The following XCL2 variants were observed in gnomAD, a reference collection of about 807,000 sequenced individuals.
XCL2 encodes the protein X-C motif chemokine ligand 2.
A neutral mutation model predicts 7.2 loss-of-function variants in XCL2; 8 were observed. The ratio of observed to expected loss-of-function variants is 1.10; its 90% confidence interval spans 0.65 to 1.99. The LOEUF is 1.99. XCL2 is among the 30% of genes most tolerant of loss of function. The pLI is 0.00. For missense variants in XCL2, 131 were observed against 138.6 expected, an observed-to-expected ratio of 0.94 and a Z score of 0.28; for synonymous variants, 46 against 54.2, an observed-to-expected ratio of 0.85 and a Z score of 0.67.
At position 168,541,112 on chromosome 1, in the gene XCL2, G is replaced by A. The variant is rs1269541951; in HGVS notation, c.185C>T (p.Thr62Ile). Residue 62 changes from threonine (T) to isoleucine (I), a missense_variant, in exon 3 of 3, where the codon ACC (threonine) becomes ATC (isoleucine). Physicochemically the swap from Thr to Ile is moderately conservative, Grantham distance 89 (BLOSUM62 -1). Transcript: ENST00000367819. ...AGCACAGACTTTTAGGCCACGTTTG[G>A]TAATAAAACTGTAACGCAAGGAAAA... ...EGSLRAVIFI[T>I]KRGLKVCADP... 6.2e-7 allele frequency: 1 copy of A among 1,613,434 alleles called. No homozygotes were observed. Among genetic ancestry groups the A allele is most frequent in the Non-Finnish European group, 8.5e-7 (1 of 1,179,562 alleles).
At chr1:168,543,563 A>G (rs1173318190) in intron 1 of XCL2, among the ~76,000 whole-genome samples, 2 of 148,040 alleles carry the variant, frequency 1.4e-5, no homozygotes, top group African/African-American at 4.9e-5. Flanking sequence ...ATGTTATTAA[A>G]TAAACCATAA....
At chr1:168,541,646 C>T (rs924184598) in intron 2 of XCL2, among the ~76,000 whole-genome samples, 7 of 152,084 alleles carry the variant, frequency 4.6e-5, no homozygotes, top group African/African-American at 1.7e-4. Flanking sequence ...CTAACTCAAC[C>T]CTAAGATCCC....
chr1:168,540,891 C>T lies in XCL2; in HGVS notation c.*61G>A. The stretch of plus-strand genomic sequence containing the variant: ...CATAAAAGGTGAGTATAATCTCAGT[C>T]CATGAGGGTGTAAAGTGAAATGAGC... On this transcript the variant is annotated 3_prime_UTR_variant, in exon 3 of 3. Coordinates refer to ENST00000367819, the MANE Select transcript of XCL2 (RefSeq NM_003175.4). 7.5e-6 allele frequency: 12 copies of T among 1,590,146 alleles called. No homozygotes were observed. Among genetic ancestry groups the T allele is most frequent in the Non-Finnish European group, 1.0e-5 (12 of 1,165,956 alleles).
At chr1:168,541,945 A>G (rs761772881) in intron 2 of XCL2, 48 bp downstream of exon 2, 4 of 1,584,268 alleles carry the variant, frequency 2.5e-6, no homozygotes, top group Admixed American at 3.4e-5. Context: ...GTGTATTTCT[A>G]TACCTCTAGG....
At chr1:168,541,578 G>C (rs1186102470) in intron 2 of XCL2, among the ~76,000 whole-genome samples, 1 of 152,106 alleles carries the variant, frequency 6.6e-6, no homozygotes, top group Non-Finnish European at 1.5e-5. Context: ...GGACCATGTA[G>C]GTTGTGCATT....
chr1:168,542,009 A>G lies in XCL2; in HGVS notation c.160T>C (p.Ser54Pro). The G allele has an allele frequency of 6.2e-7, 1 of 1,610,894 alleles. No individual in the cohort carries two copies. The highest frequency in any genetic ancestry group is 8.5e-7 in the Non-Finnish European group (1 of 1,178,514). The change falls in exon 2 of 3, where the codon TCC becomes CCC. Residue 54 changes from serine (S) to proline (P), a missense_variant. Coordinates refer to ENST00000367819, the MANE Select transcript of XCL2 (RefSeq NM_003175.4). ...RIKTYTITEGSLRAVIFITKR... is the reference protein window; with the variant it reads ...RIKTYTITEGPLRAVIFITKR... ...CAGACTCACATTACTGCTCTCAAGGAGCCTTCCGTGATGGTGTAGGTCTTG... is the reference window on the plus strand; with the variant it reads ...CAGACTCACATTACTGCTCTCAAGGGGCCTTCCGTGATGGTGTAGGTCTTG...
intron 1 of XCL2, chr1:168,543,379 G>T (rs754592915): frequency 1.2e-4 from 23 of 190,856 alleles, no homozygotes; most frequent in Non-Finnish European, 2.3e-4. Flanking sequence ...ACATTGATTT[G>T]CTCCAGAACA....
chr1:168,541,081 T>C lies in XCL2; in HGVS notation c.216A>G (p.Pro72=). 6.2e-7 allele frequency: 1 copy of C among 1,613,664 alleles called. No individual in the cohort carries two copies. The highest frequency in any genetic ancestry group is 8.5e-7 in the Non-Finnish European group (1 of 1,179,698). ...TKRGLKVCAD[P]QATWVRDVVR... ...CCACGTCTCTCACCCACGTGGCTTG[T>C]GGATCAGCACAGACTTTTAGGCCAC... Residue 72 remains proline, a synonymous_variant, in exon 3 of 3, where the codon CCA becomes CCG. Coordinates refer to ENST00000367819, the MANE Select transcript of XCL2 (RefSeq NM_003175.4).
chr1:168,541,258 T>C (rs1344035394), intron 2 of XCL2, 138 bp from the exon 3 acceptor site: 3 of 1,203,220 alleles, frequency 2.5e-6, no homozygotes, highest in Non-Finnish European at 3.4e-6. Flanking sequence ...CATGAGATCA[T>C]AAATGAGCAC....
At chr1:168,541,725 C>G (rs1024050689) in intron 2 of XCL2, among the ~76,000 whole-genome samples, 1 of 152,160 alleles carries the variant, frequency 6.6e-6, no homozygotes. Context: ...GATCTCAGAG[C>G]TGTGCACAGT....
At chr1:168,543,835 A>G (rs1350974067) in intron 1 of XCL2, 69 bp downstream of exon 1, 1 of 1,606,352 alleles carries the variant, frequency 6.2e-7, no homozygotes, top group East Asian at 2.2e-5. Context: ...AACCCGAGTC[A>G]AACCCAAAAT....
chr1:168,541,161 T>C, intron 2 of XCL2, 41 bp from the exon 3 acceptor site: 1 of 1,607,104 alleles, frequency 6.2e-7, no homozygotes, highest in African/African-American at 1.3e-5. Flanking sequence ...AGCCACGTTC[T>C]CAAAGCCTCA....
chr1:168,541,968 C>A lies in XCL2; in HGVS notation c.176+25G>T, dbSNP rs370342820. On this transcript the variant is annotated intron_variant, in intron 2 of 2. Coordinates refer to ENST00000367819, the MANE Select transcript of XCL2 (RefSeq NM_003175.4). ...CTATACCTCTAGGTACCCACCCAGC[C>A]CAACTTCTGAGGAGGCAGACTCACA... is the stretch of plus-strand genomic sequence containing the variant. 6.1e-4 allele frequency: 986 copies of A among 1,607,704 alleles called. 8 individuals carry two copies. The East Asian group carries it at 0.016, about 26-fold the overall frequency.
chr1:168,542,227 G>C, intron 1 of XCL2, 120 bp from the exon 2 acceptor site: 1 of 802,364 alleles, frequency 1.2e-6, no homozygotes, highest in Non-Finnish European at 1.8e-6. Context: ...TTTGCTTTTT[G>C]GGGGAAGAGA....
intron 2 of XCL2, among the ~76,000 whole-genome samples, chr1:168,541,376 ATGT>A (rs1425663639): frequency 1.3e-5 from 2 of 152,146 alleles, no homozygotes; most frequent in African/African-American, 4.8e-5. Context: ...ATGTCACCAA[ATGT>A]TGTAACAAAA....
At chr1:168,541,806 C>T (rs1455514625) in intron 2 of XCL2, among the ~76,000 whole-genome samples, 187 bp downstream of exon 2, 1 of 152,066 alleles carries the variant, frequency 6.6e-6, no homozygotes, top group Non-Finnish European at 1.5e-5. Context: ...CCAATTTCTG[C>T]AATAATCGCT....
intron 1 of XCL2, 130 bp from the exon 2 acceptor site, chr1:168,542,237 A>G (rs1456444705): frequency 5.1e-6 from 3 of 589,410 alleles, no homozygotes; most frequent in Non-Finnish European, 8.0e-6. Flanking sequence ...GGGGGAAGAG[A>G]GGACTGATAG....
chr1:168,541,906 T>G, intron 2 of XCL2, 87 bp downstream of exon 2: 2 of 1,237,144 alleles, frequency 1.6e-6, no homozygotes, highest in Non-Finnish European at 2.2e-6. Context: ...CTGACCTACT[T>G]TTCCTGAGGA....
Position 168,540,908 on chromosome 1 carries a change from G to A in XCL2, c.*44C>T. 1 of 1,605,304 alleles carries A rather than the reference G, an allele frequency of 6.2e-7. No homozygotes were observed. The highest frequency in any genetic ancestry group is 8.5e-7 in the Non-Finnish European group (1 of 1,173,788). Reference sequence around the variant, plus strand: ...ATCTCAGTCCATGAGGGTGTAAAGTGAAATGAGCTGGCTGGCTGGAGACGG... The same window carrying A: ...ATCTCAGTCCATGAGGGTGTAAAGTAAAATGAGCTGGCTGGCTGGAGACGG... On this transcript the variant is annotated 3_prime_UTR_variant, in exon 3 of 3. Coordinates refer to ENST00000367819, the MANE Select transcript of XCL2 (RefSeq NM_003175.4).
Sources: allele counts gnomAD v4.1 joint callset (sites outside exome capture counted in the v4.1 genomes callset), GRCh38; gene constraint gnomAD v4.1.1; transcripts MANE v1.5; gene names NCBI Gene and HGNC (gene_info 2026-07-23, HGNC 2026-07-21).